Variants in NOXA1 observed in about 807,000 individuals in gnomAD.
NOXA1 encodes the protein NCF2-like protein.
Under a neutral mutation model 64.8 loss-of-function variants are expected in NOXA1, and 56 were observed. That is an observed-to-expected ratio of 0.86 (90% CI 0.70 to 1.08). The LOEUF (loss-of-function observed/expected upper bound fraction) is 1.08, where lower values mean the gene tolerates loss of function less well. Ranked by LOEUF, NOXA1 falls within the 50% of genes least tolerant of loss-of-function variation. NOXA1 has a pLI of 0.00. For synonymous variants in NOXA1, 295 were observed against 294.8 expected (o/e 1.00, Z -0.01); for missense variants, 668 against 658.5 (o/e 1.01, Z -0.16).
Position 137,428,938 on chromosome 9 carries a change from C to T in NOXA1, c.426C>T (p.Ala142=), listed in dbSNP as rs1392249119. 6.3e-7 allele frequency: 1 copy of T among 1,597,512 alleles called. No homozygotes were observed. Among genetic ancestry groups the T allele is most frequent in the East Asian group, 2.3e-5 (1 of 44,126 alleles). Residue 142 remains alanine, a synonymous_variant, in exon 4 of 14, where the codon GCC becomes GCT. Coordinates refer to ENST00000683555, the MANE Select transcript of NOXA1 (RefSeq NM_001256067.2). The part of the protein sequence containing the change: ...QCQLGLWTEA[A]SSLREAMSKW... ...AGCTGGGGCTCTGGACAGAGGCGGC[C>T]AGCAGCCTAAGGGAGGCCATGTCCA...
At position 137,434,255 on chromosome 9, in the gene NOXA1, C is replaced by G. The variant is rs375163287; in HGVS notation, c.1326C>G (p.Asp442Glu). The G allele has an allele frequency of 6.2e-7, 1 of 1,610,700 alleles. No individual in the cohort carries two copies. The change falls in exon 14 of 14, where the codon GAC becomes GAG. Residue 442 changes from aspartate (D) to glutamate (E), a missense_variant. By Grantham distance (45) the Asp-to-Glu change is conservative. Coordinates refer to ENST00000683555, the MANE Select transcript of NOXA1 (RefSeq NM_001256067.2). Reference protein sequence around the residue: ...VDQAWLEGHCDGRIGIFPKCF... With the variant: ...VDQAWLEGHCEGRIGIFPKCF... ...AGGCATGGCTGGAGGGCCACTGTGACGGCCGCATCGGCATCTTCCCCAAGT... is the reference window on the plus strand; with the variant it reads ...AGGCATGGCTGGAGGGCCACTGTGAGGGCCGCATCGGCATCTTCCCCAAGT...
At chr9:137,428,704 G>T (rs1191024665) in intron 3 of NOXA1, among the ~76,000 whole-genome samples, 178 bp from the exon 4 acceptor site, 2 of 138,222 alleles carry the variant, frequency 1.4e-5, no homozygotes, top group Non-Finnish European at 3.2e-5. Flanking sequence ...GGGAGACGGG[G>T]GAGAAGCCAG....
intron 13 of NOXA1, 57 bp downstream of exon 13, chr9:137,434,136 T>C: frequency 6.3e-7 from 1 of 1,581,360 alleles, no homozygotes. Flanking sequence ...TGTGGGGGGC[T>C]TAGAGCTCGG....
intron 3 of NOXA1, among the ~76,000 whole-genome samples, chr9:137,428,394 G>A (rs1169256476): frequency 6.6e-6 from 1 of 152,088 alleles, no homozygotes; most frequent in East Asian, 1.9e-4. Context: ...TGCTGGGTGG[G>A]CAGGGAGCAG....
Position 137,423,668 on chromosome 9 carries a change from G to A in NOXA1, c.139G>A (p.Val47Met), listed in dbSNP as rs752452563. The change falls in exon 1 of 14, where the codon GTG becomes ATG. Residue 47 changes from valine to methionine, a missense_variant. Coordinates refer to ENST00000683555, the MANE Select transcript of NOXA1 (RefSeq NM_001256067.2). Reference sequence around the variant, plus strand: ...CAGGCTGTGCTTCAACGCGGGCTGCGTGCACCTGCTGGCCGGGGACCCCGA... The same window carrying A: ...CAGGCTGTGCTTCAACGCGGGCTGCATGCACCTGCTGGCCGGGGACCCCGA... ...PARLCFNAGC[V>M]HLLAGDPEAA... The A allele has an allele frequency of 5.8e-6, 8 of 1,390,282 alleles. No individual in the cohort carries two copies. The East Asian group carries it at 2.2e-4, about 39-fold the overall frequency. The allele number at this position is 1,390,282 out of a possible 1,614,324, so 86.1% of individuals were successfully genotyped here. A position where few individuals can be genotyped will look rare whatever the true frequency, so the allele number is the denominator to read the frequency against.
chr9:137,434,099 T>G lies in NOXA1; in HGVS notation c.1294+20T>G. 1.3e-6 allele frequency: 2 copies of G among 1,583,632 alleles called. No homozygotes were observed. The highest frequency in any genetic ancestry group is 4.5e-5 in the East Asian group (2 of 44,258). On this transcript the variant is annotated intron_variant, in intron 13 of 13. Coordinates refer to ENST00000683555, the MANE Select transcript of NOXA1 (RefSeq NM_001256067.2). ...GTGAAGGTAGGGTGGGCATGGCCCT[T>G]CCCAGGCAGCACCGTGGTGCCCGGG...
chr9:137,431,373 G>GCTTCTGCTGCCTCCGCAGACT lies in NOXA1; in HGVS notation c.804+32_804+33insCTTCTGCTGCCTCCGCAGACT. On this transcript the variant is annotated intron_variant, in intron 8 of 13. Coordinates refer to ENST00000683555, the MANE Select transcript of NOXA1 (RefSeq NM_001256067.2). The surrounding 1 kb of genome is among the most constrained non-coding windows in gnomAD (Gnocchi z 5.6). ...GGGCCTGGGCCTCTTCCCCTGCTGG[G>GCTTCTGCTGCCTCCGCAGACT]GGTCGGTGCTTCTGCTGCCTCCGCA... 6.4e-7 allele frequency: 1 copy of GCTTCTGCTGCCTCCGCAGACT among 1,567,384 alleles called. No individual in the cohort carries two copies. The highest frequency in any genetic ancestry group is 1.7e-5 in the Admixed American group (1 of 59,838).
intron 1 of NOXA1, 89 bp downstream of exon 1, chr9:137,423,795 G>T: frequency 9.2e-7 from 1 of 1,087,876 alleles, no homozygotes; most frequent in Non-Finnish European, 1.2e-6. Flanking sequence ...ACCGTCACGG[G>T]GTCGCCCTGC....
intron 2 of NOXA1, 56 bp from the exon 3 acceptor site, chr9:137,427,977 C>T: frequency 1.6e-6 from 2 of 1,273,672 alleles, no homozygotes; most frequent in Non-Finnish European, 2.2e-6. Context: ...TGAAAGCTGC[C>T]TAACCACAGC....
chr9:137,432,997 C>A (rs984534623), intron 8 of NOXA1, 32 bp from the exon 9 acceptor site: 10 of 1,611,404 alleles, frequency 6.2e-6, no homozygotes, highest in East Asian at 2.2e-5. Flanking sequence ...ACCTGACCGC[C>A]CCAGCCCACC....
intron 1 of NOXA1, among the ~76,000 whole-genome samples, chr9:137,425,084 G>A (rs146522463): frequency 9.2e-5 from 14 of 152,294 alleles, no homozygotes; most frequent in African/African-American, 3.1e-4. Context: ...GCCCTGAGCC[G>A]CCACCCCACA....
chr9:137,433,712 C>A, intron 11 of NOXA1, 38 bp from the exon 12 acceptor site: 1 of 1,476,142 alleles, frequency 6.8e-7, no homozygotes, highest in South Asian at 1.3e-5. Flanking sequence ...CCCTGCAGGC[C>A]CCACCCAGGA....
At chr9:137,427,117 A>G (rs754011907) in intron 2 of NOXA1, among the ~76,000 whole-genome samples, 27 of 152,214 alleles carry the variant, frequency 1.8e-4, no homozygotes, top group Non-Finnish European at 2.8e-4. Context: ...TTTTAAAGGG[A>G]TTTATTTGAG....
intron 2 of NOXA1, 94 bp downstream of exon 2, chr9:137,426,424 T>G: frequency 9.6e-7 from 1 of 1,040,310 alleles, no homozygotes; most frequent in Admixed American, 1.8e-5. Flanking sequence ...CTCCATCCAC[T>G]CCCTCCTCTT....
chr9:137,429,191 C>A, intron 4 of NOXA1, 85 bp from the exon 5 acceptor site: 1 of 1,358,794 alleles, frequency 7.4e-7, no homozygotes, highest in Non-Finnish European at 9.9e-7. Context: ...CAAGCGGCCC[C>A]TTCTGCTCCA....
chr9:137,428,002 GT>G (rs1169071319), intron 2 of NOXA1, 30 bp from the exon 3 acceptor site: 1 of 1,479,076 alleles, frequency 6.8e-7, no homozygotes, highest in African/African-American at 1.4e-5. Flanking sequence ...TCTCCGCCCT[GT>G]GCTGCTGAGG....
intron 3 of NOXA1, 77 bp downstream of exon 3, chr9:137,428,218 G>A: frequency 9.4e-7 from 1 of 1,062,470 alleles, no homozygotes; most frequent in South Asian, 1.4e-5. Flanking sequence ...GGAGGGCCCT[G>A]TGGACTGGGG....
In NOXA1 at chr9:137,433,252, G is replaced by A. The variant is rs771279656; in HGVS notation, c.898G>A (p.Ala300Thr). ...GPGPGPCEDP[A>T]GAGGAGAGGS... Reference sequence around the variant, plus strand: ...TGGCCCCGGCCCCTGTGAGGACCCCGCGGGTGCTGGGGTAAGAGGCTCTAG... The same window carrying A: ...TGGCCCCGGCCCCTGTGAGGACCCCACGGGTGCTGGGGTAAGAGGCTCTAG... Residue 300 changes from alanine to threonine, a missense_variant, in exon 10 of 14, where the codon GCG (alanine) becomes ACG (threonine). Coordinates refer to ENST00000683555, the MANE Select transcript of NOXA1 (RefSeq NM_001256067.2). 51 of 1,591,694 alleles carry A rather than the reference G, an allele frequency of 3.2e-5. 1 individual carries two copies. In the Middle Eastern group the frequency reaches 1.9e-3, roughly 58 times the overall value.
At chr9:137,424,222 A>G (rs953963633) in intron 1 of NOXA1, among the ~76,000 whole-genome samples, 4 of 152,142 alleles carry the variant, frequency 2.6e-5, no homozygotes, top group African/African-American at 7.2e-5. Flanking sequence ...CTCAGTCCCA[A>G]GCACCCCGCA....
Sources: gnomAD v4.1 joint callset for allele counts (sites outside exome capture counted in the v4.1 genomes callset) on GRCh38, gnomAD v4.1.1 for gene constraint, Gnocchi (gnomAD v3.1) non-coding constraint, MANE v1.5 for transcripts, NCBI Gene and HGNC (gene_info 2026-07-23, HGNC 2026-07-21) for gene names.